WWOX: variants seen among roughly 807,000 people sequenced by gnomAD.
WWOX encodes WW domain containing oxidoreductase, also known as WW domain-containing oxidoreductase.
WWOX carries 69 observed loss-of-function variants against 46.2 expected under a neutral mutation model. That is an observed-to-expected ratio of 1.49 (90% confidence interval 1.23 to 1.82). WWOX has a LOEUF of 1.82. Ranked by LOEUF, WWOX falls within the 40% of genes most tolerant of loss-of-function variation. The pLI, the probability that WWOX is intolerant of heterozygous loss-of-function variation, is 0.00. For missense variants in WWOX, 919 were observed against 542.6 expected, an observed-to-expected ratio of 1.69 and a Z score of -6.89; for synonymous variants, 359 against 202.6, an observed-to-expected ratio of 1.77 and a Z score of -6.56.
chr16:78,434,334 C>T (rs1165001906), intron 8 of WWOX, among the ~76,000 whole-genome samples: 1 of 152,134 alleles, frequency 6.6e-6, no homozygotes, highest in East Asian at 1.9e-4. Context: ...AGGTGGATCA[C>T]AGGGTTTTGA....
chr16:78,200,118 C>T (rs1170813560), intron 5 of WWOX, among the ~76,000 whole-genome samples: 2 of 151,994 alleles, frequency 1.3e-5, no homozygotes, highest in African/African-American at 4.8e-5. Flanking sequence ...TGAGTGTCGC[C>T]AAGAGATTTC....
At chr16:78,617,165 A>G (rs1437424526) in intron 8 of WWOX, among the ~76,000 whole-genome samples, 1 of 152,148 alleles carries the variant, frequency 6.6e-6, no homozygotes, top group Non-Finnish European at 1.5e-5. Flanking sequence ...TAATCCCAGC[A>G]CTTTGGGAGG....
At chr16:79,033,025 A>G (rs2047795778) in intron 8 of WWOX, among the ~76,000 whole-genome samples, 1 of 151,060 alleles carries the variant, frequency 6.6e-6, no homozygotes, top group Admixed American at 6.6e-5. Context: ...TGGTATTTGC[A>G]TTTTCTGTTA....
intron 8 of WWOX, among the ~76,000 whole-genome samples, chr16:78,768,776 G>A (rs146056692): frequency 2.0e-3 from 301 of 152,200 alleles, no homozygotes; most frequent in African/African-American, 7.0e-3. Flanking sequence ...GCTTGCTGGT[G>A]GGTCTTTTTG....
At chr16:78,505,578 G>A (rs1220127204) in intron 8 of WWOX, among the ~76,000 whole-genome samples, 1 of 152,162 alleles carries the variant, frequency 6.6e-6, no homozygotes, top group South Asian at 2.1e-4. Flanking sequence ...AGCGCCCAGT[G>A]CCCTACCTCT....
chr16:78,690,376 C>A (rs188153397), intron 8 of WWOX, among the ~76,000 whole-genome samples: 215 of 152,152 alleles, frequency 1.4e-3, no homozygotes, highest in Non-Finnish European at 2.7e-3. Context: ...CACAGTGAGA[C>A]CCCGTATCTA....
intron 8 of WWOX, among the ~76,000 whole-genome samples, chr16:78,788,564 G>C (rs141764709): frequency 2.0e-3 from 312 of 152,302 alleles, no homozygotes; most frequent in African/African-American, 7.3e-3. Context: ...TTCCTGGAGC[G>C]TGGCTGCCTA....
intron 8 of WWOX, among the ~76,000 whole-genome samples, chr16:78,908,208 G>C (rs1166221249): frequency 1.3e-5 from 2 of 152,094 alleles, no homozygotes; most frequent in African/African-American, 4.8e-5. Context: ...CGCTGCCTAA[G>C]CAAAGCCGAT....
At chr16:79,102,927 C>A (rs1179875399) in intron 8 of WWOX, among the ~76,000 whole-genome samples, 2 of 151,770 alleles carry the variant, frequency 1.3e-5, no homozygotes, top group East Asian at 3.9e-4. Flanking sequence ...TCCTCTCTGT[C>A]CTCTTCCTCC....
intron 1 of WWOX, among the ~76,000 whole-genome samples, chr16:78,102,551 ACTTGCTGTTCCTCTCAC>A (rs2031866391): frequency 6.6e-6 from 1 of 152,220 alleles, no homozygotes; most frequent in Non-Finnish European, 1.5e-5. Flanking sequence ...CTGAGCGGGC[ACTTGCTGTTCCTCTCAC>A]CTGTACATCT....
chr16:78,795,201 T>C (rs2050705247), intron 8 of WWOX, among the ~76,000 whole-genome samples: 1 of 152,216 alleles, frequency 6.6e-6, no homozygotes, highest in African/African-American at 2.4e-5. Flanking sequence ...GCTAAGTGCT[T>C]TGCGGGCATT....
chr16:78,208,522 G>T (rs911564188), intron 5 of WWOX, among the ~76,000 whole-genome samples: 4 of 152,112 alleles, frequency 2.6e-5, no homozygotes, highest in African/African-American at 9.7e-5. Flanking sequence ...TTTTCTTTTA[G>T]GGTGTCTTTA....
At chr16:78,771,757 G>C (rs1488413547) in intron 8 of WWOX, among the ~76,000 whole-genome samples, 1 of 146,366 alleles carries the variant, frequency 6.8e-6, no homozygotes, top group East Asian at 2.0e-4. Flanking sequence ...GGGCAACAGA[G>C]TAAGACTCTG....
At chr16:79,157,448 CA>C (rs1191809780) in intron 8 of WWOX, among the ~76,000 whole-genome samples, 1 of 149,266 alleles carries the variant, frequency 6.7e-6, no homozygotes, top group Non-Finnish European at 1.5e-5. Flanking sequence ...AAAGAAACCA[CA>C]AAACCATACC....
In WWOX at chr16:78,440,096, C is replaced by T. The variant is rs546355030; in HGVS notation, c.1056+7344C>T. ...TTGAGCCTCTAGAGTGGCAGGCGAA[C>T]TCTGATTTTGAGGAAAAAGGATAGG... is the stretch of plus-strand genomic sequence containing the variant. On this transcript the variant is annotated intron_variant, in intron 8 of 8. Coordinates refer to ENST00000566780, the MANE Select transcript of WWOX (RefSeq NM_016373.4). 4.6e-5 allele frequency among the ~76,000 whole-genome samples: 7 copies of T among 151,894 alleles called. No homozygotes were observed. The East Asian group carries it at 1.4e-3, about 29-fold the overall frequency.
At chr16:78,774,379 G>A (rs2050136307) in intron 8 of WWOX, among the ~76,000 whole-genome samples, 1 of 152,170 alleles carries the variant, frequency 6.6e-6, no homozygotes, top group Non-Finnish European at 1.5e-5. Context: ...CCAGTCTGGT[G>A]ACAGAGCGAG....
chr16:79,030,076 C>T (rs955304522), intron 8 of WWOX, among the ~76,000 whole-genome samples: 2 of 152,112 alleles, frequency 1.3e-5, no homozygotes, highest in South Asian at 2.1e-4. Flanking sequence ...AAAATAGCAT[C>T]TGCCCAAAAG....
chr16:79,174,475 C>T lies in WWOX; in HGVS notation c.1057-37133C>T, dbSNP rs889031224. On this transcript the variant is annotated intron_variant, in intron 8 of 8. Transcript: ENST00000566780. ...ATTAGCTTGACCAACATAGTGAAACCCCGTCTCTACTAAAAATACAAAAAT... is the reference window on the plus strand; with the variant it reads ...ATTAGCTTGACCAACATAGTGAAACTCCGTCTCTACTAAAAATACAAAAAT... Among the ~76,000 whole-genome samples the T allele has an allele frequency of 1.3e-4, 20 of 152,098 alleles. 1 individual carries two copies. Among genetic ancestry groups the T allele is most frequent in the Non-Finnish European group, 5.9e-5 (4 of 68,024 alleles).
Position 78,601,526 on chromosome 16 carries a change from C to T in WWOX, c.1056+168774C>T, listed in dbSNP as rs575642454. Among the ~76,000 whole-genome samples, 11 of 152,182 alleles carry T rather than the reference C, an allele frequency of 7.2e-5. No individual in the cohort carries two copies. In the South Asian group the frequency reaches 1.0e-3, roughly 14 times the overall value. ...CATTATTCACACACACATACCCCAC[C>T]GCCATTTTCCAAATTGTAAGGTCTT... On this transcript the variant is annotated intron_variant, in intron 8 of 8. Transcript: ENST00000566780.
Sources: gnomAD v4.1 joint callset for allele counts (sites outside exome capture counted in the v4.1 genomes callset) on GRCh38, gnomAD v4.1.1 for gene constraint, MANE v1.5 for transcripts, NCBI Gene and HGNC (gene_info 2026-07-23, HGNC 2026-07-21) for gene names.